The following PPP6R1 variants were observed in gnomAD, a reference collection of about 807,000 sequenced individuals.
PPP6R1 encodes the protein protein phosphatase 6 regulatory subunit 1, also known as serine/threonine-protein phosphatase 6 regulatory subunit 1.
In PPP6R1, 39 loss-of-function variants were observed where a neutral mutation model predicts 104.6. The observed-to-expected ratio is 0.37, with a 90% CI of 0.29 to 0.49. PPP6R1 has a LOEUF of 0.49. Ranked by LOEUF, PPP6R1 falls within the 20% of genes least tolerant of loss-of-function variation. PPP6R1 has a pLI of 0.98. For missense variants in PPP6R1, 1,181 were observed against 1,155.8 expected (o/e 1.02, Z -0.32); for synonymous variants, 549 against 479.0 (o/e 1.15, Z -1.91).
At position 55,241,788 on chromosome 19, in the gene PPP6R1, A is replaced by G. The variant is rs2122626923; in HGVS notation, c.846-149T>C. The G allele has an allele frequency of 9.5e-7, 1 of 1,057,622 alleles. No individual in the cohort carries two copies. The highest frequency in any genetic ancestry group is 1.7e-5 in the South Asian group (1 of 58,186). The allele number at this position is 1,057,622 out of a possible 1,614,324, so 65.5% of individuals were successfully genotyped here. Reference sequence around the variant, plus strand: ...CGCTCTCTTCTGAGGCCCTTCAGACAACACCTGGCTGGGGTGGGGAGCCCG... The same window carrying G: ...CGCTCTCTTCTGAGGCCCTTCAGACGACACCTGGCTGGGGTGGGGAGCCCG... On this transcript the variant is annotated intron_variant, in intron 7 of 23. Transcript: ENST00000412770. This position sits in a 1 kb window ranked among gnomAD's most constrained non-coding sequence, Gnocchi z 5.4.
Position 55,245,936 on chromosome 19 carries a change from G to A in PPP6R1, c.228-258C>T, listed in dbSNP as rs1373263295. On this transcript the variant is annotated intron_variant, in intron 2 of 23. Transcript: ENST00000412770. The surrounding 1 kb of genome is among the most constrained non-coding windows in gnomAD (Gnocchi z 6.4). ...AAGACAAGCTGGTCCTGAAGCTCCT[G>A]CGCTTCCCAATCCCCCAGCAGCTAA... Among the ~76,000 whole-genome samples, 1 of 152,056 alleles carries A rather than the reference G, an allele frequency of 6.6e-6. No individual in the cohort carries two copies. The highest frequency in any genetic ancestry group is 2.4e-5 in the African/African-American group (1 of 41,416).
intron 10 of PPP6R1, among the ~76,000 whole-genome samples, chr19:55,240,712 C>T (rs1404336719): frequency 6.6e-6 from 1 of 152,204 alleles, no homozygotes; most frequent in Admixed American, 6.5e-5. Flanking sequence ...CGCAGGTCTG[C>T]TCCCGCCCAC....
In PPP6R1 at chr19:55,230,854, T is replaced by C. The variant is rs1168569780; in HGVS notation, c.2490A>G (p.Pro830=). 1 of 1,606,878 alleles carries C rather than the reference T, an allele frequency of 6.2e-7. No homozygotes were observed. Among genetic ancestry groups the C allele is most frequent in the Non-Finnish European group, 8.5e-7 (1 of 1,179,340 alleles). ...GGGGGGGCTGGTGGGCCCCGGAGGC[T>C]GGGACAGAGGTAGAGGGGTCTCTGG... ...SATRDPSTSV[P]ASGAHQPPQT... The change falls in exon 22 of 24, where the codon CCA becomes CCG. Residue 830 remains proline (P), a synonymous_variant. Transcript: ENST00000412770.
intron 17 of PPP6R1, chr19:55,232,424 G>T: frequency 3.1e-6 from 2 of 634,938 alleles, no homozygotes; most frequent in Non-Finnish European, 5.1e-6. Flanking sequence ...GGCAGGGACA[G>T]AATGCGGCCG....
intron 10 of PPP6R1, 89 bp downstream of exon 10, chr19:55,240,856 G>A (rs1259654127): frequency 6.7e-7 from 1 of 1,495,094 alleles, no homozygotes; most frequent in South Asian, 1.3e-5. Context: ...AACACTTGTG[G>A]GAGGAAGGAG....
At chr19:55,231,091 C>T in intron 21 of PPP6R1, 1 of 618,368 alleles carries the variant, frequency 1.6e-6, no homozygotes, top group Non-Finnish European at 2.8e-6. Flanking sequence ...TTCCCGCCTC[C>T]TGTCCCTGTG....
At chr19:55,243,205 G>A (rs563788567) in intron 5 of PPP6R1, among the ~76,000 whole-genome samples, 7 of 152,212 alleles carry the variant, frequency 4.6e-5, no homozygotes, top group African/African-American at 1.4e-4. Context: ...ACGAGGTCAG[G>A]AGTTTGAGAC....
intron 1 of PPP6R1, among the ~76,000 whole-genome samples, chr19:55,251,391 C>A (rs74568573): frequency 6.6e-6 from 1 of 152,194 alleles, no homozygotes; most frequent in Non-Finnish European, 1.5e-5. Flanking sequence ...TCCTCCCAGG[C>A]AGGAGGCTGC....
intron 17 of PPP6R1, among the ~76,000 whole-genome samples, chr19:55,235,093 TC>T (rs780873848): frequency 2.5e-4 from 38 of 151,920 alleles, no homozygotes; most frequent in Non-Finnish European, 4.4e-4. Context: ...AATTCCGAAA[TC>T]AAAAGTCATG....
chr19:55,253,020 T>G (rs2087565791), intron 1 of PPP6R1, among the ~76,000 whole-genome samples: 2 of 152,208 alleles, frequency 1.3e-5, no homozygotes, highest in South Asian at 4.1e-4. Flanking sequence ...GAGCTGAAGC[T>G]GCCAAGGCTC....
chr19:55,254,130 T>C (rs1025278663), intron 1 of PPP6R1, among the ~76,000 whole-genome samples: 3 of 152,224 alleles, frequency 2.0e-5, no homozygotes, highest in South Asian at 2.1e-4. Flanking sequence ...TTTGCCTAAG[T>C]GACTCAAGTA....
chr19:55,231,302 G>A (rs1209500265), intron 21 of PPP6R1, 108 bp downstream of exon 21: 1 of 1,336,978 alleles, frequency 7.5e-7, no homozygotes, highest in African/African-American at 1.5e-5. Flanking sequence ...TGGGGGTCCT[G>A]CAAAGGAGGC....
rs111560071 is a variant in PPP6R1 at position 55,231,918 on chromosome 19, G to A, written c.2190C>T (p.Ser730=). The stretch of plus-strand genomic sequence containing the variant: ...GCCCAGTGTGCAGCTCTTCCTCCCC[G>A]GAGACTCGGGGGCTGGTCGGGGCAT... ...PTDAPTSPRV[S]GEEELHTGPP... Residue 730 remains serine, a synonymous_variant, in exon 19 of 24, where the codon TCC becomes TCT. Coordinates refer to ENST00000412770, the MANE Select transcript of PPP6R1 (RefSeq NM_014931.4). 15,329 of 1,551,474 alleles carry A rather than the reference G, an allele frequency of 9.9e-3. 97 individuals are homozygous for A. The highest frequency in any genetic ancestry group is 0.012 in the Non-Finnish European group (13,818 of 1,145,524).
intron 1 of PPP6R1, among the ~76,000 whole-genome samples, chr19:55,247,652 C>A (rs1421933493): frequency 6.6e-6 from 1 of 152,196 alleles, no homozygotes. Context: ...CACACGGCTG[C>A]TGCTTGGCCC....
intron 15 of PPP6R1, among the ~76,000 whole-genome samples, chr19:55,238,455 C>G (rs563931270): frequency 3.1e-4 from 47 of 152,270 alleles, no homozygotes; most frequent in African/African-American, 1.1e-3. Flanking sequence ...CACACACTAA[C>G]CAGCTATGTC....
At chr19:55,242,112 CGG>C in intron 7 of PPP6R1, 52 bp downstream of exon 7, 11 of 1,525,892 alleles carry the variant, frequency 7.2e-6, no homozygotes, top group Non-Finnish European at 8.1e-6. Context: ...TCTGAGGGGC[CGG>C]AGAGCCCCTG....
intron 21 of PPP6R1, 37 bp from the exon 22 acceptor site, chr19:55,230,921 CCCCA>C (rs1364998859): frequency 1.3e-6 from 2 of 1,514,276 alleles, no homozygotes; most frequent in African/African-American, 2.7e-5. Context: ...TCAGCGTGGC[CCCCA>C]CCGTCACCTG....
At position 55,247,032 on chromosome 19, in the gene PPP6R1, C is replaced by A; in HGVS notation, c.72G>T (p.Leu24=). The change falls in exon 2 of 24, where the codon CTG becomes CTT. Residue 24 remains leucine, a synonymous_variant. Coordinates refer to ENST00000412770, the MANE Select transcript of PPP6R1 (RefSeq NM_014931.4). ...CGTCTTCCTCGTCCAGCAGCTCGGGCAGGCTCAGGTCCTCCCGCTCCAGCA... is the reference window on the plus strand; with the variant it reads ...CGTCTTCCTCGTCCAGCAGCTCGGGAAGGCTCAGGTCCTCCCGCTCCAGCA... The part of the protein sequence containing the change: ...DTLLEREDLS[L]PELLDEEDVL... The A allele has an allele frequency of 6.2e-7, 1 of 1,613,894 alleles. No individual in the cohort carries two copies. The highest frequency in any genetic ancestry group is 8.5e-7 in the Non-Finnish European group (1 of 1,179,882).
At chr19:55,256,061 C>T (rs1436930598) in intron 1 of PPP6R1, among the ~76,000 whole-genome samples, 1 of 152,186 alleles carries the variant, frequency 6.6e-6, no homozygotes, top group Non-Finnish European at 1.5e-5. Flanking sequence ...GTTAAGAGCA[C>T]TGGGCCACAC....
Sources: gnomAD v4.1 joint callset for allele counts (sites outside exome capture counted in the v4.1 genomes callset) on GRCh38, gnomAD v4.1.1 for gene constraint, Gnocchi (gnomAD v3.1) non-coding constraint, MANE v1.5 for transcripts, NCBI Gene and HGNC (gene_info 2026-07-23, HGNC 2026-07-21) for gene names.